Variants in HTR4 observed in about 807,000 individuals in gnomAD.
The protein encoded by HTR4 is 5-hydroxytryptamine (serotonin) receptor 4, G protein-coupled.
A neutral mutation model predicts 36.8 loss-of-function variants in HTR4; 16 were observed. The ratio of observed to expected loss-of-function variants is 0.43; its 90% CI spans 0.29 to 0.66. HTR4 has a LOEUF of 0.66. Ranked by LOEUF, HTR4 falls within the 30% of genes least tolerant of loss-of-function variation. The pLI, the probability that HTR4 is intolerant of heterozygous loss-of-function variation, is 0.13. For synonymous variants in HTR4, 189 were observed against 185.1 expected, an observed-to-expected ratio of 1.02 and a Z score of -0.17; for missense variants, 438 against 490.9, an observed-to-expected ratio of 0.89 and a Z score of 1.02.
At chr5:148,642,943 G>A (rs1753770894) in intron 1 of HTR4, among the ~76,000 whole-genome samples, 1 of 151,862 alleles carries the variant, frequency 6.6e-6, no homozygotes, top group African/African-American at 2.4e-5. Context: ...CAGTGTACAG[G>A]TGAAAATGTG....
chr5:148,586,826 T>G (rs1347095970), intron 2 of HTR4, among the ~76,000 whole-genome samples: 1 of 152,228 alleles, frequency 6.6e-6, no homozygotes, highest in Non-Finnish European at 1.5e-5. Context: ...AGATAGCAAC[T>G]GATGATTTGA....
At chr5:148,497,034 C>T (rs1756716474) in intron 6 of HTR4, among the ~76,000 whole-genome samples, 2 of 152,142 alleles carry the variant, frequency 1.3e-5, no homozygotes, top group South Asian at 4.1e-4. Context: ...TTACAGCCAC[C>T]TCTTCTACTA....
intron 5 of HTR4, among the ~76,000 whole-genome samples, chr5:148,453,961 A>T (rs989800138): frequency 6.6e-6 from 1 of 152,216 alleles, no homozygotes; most frequent in East Asian, 1.9e-4. Context: ...TATAACTCCC[A>T]GTAGCCATTG....
rs537557335 is a variant in HTR4, at chr5:148,552,216, A to T, written c.27-1954T>A. 2.0e-5 allele frequency among the ~76,000 whole-genome samples: 3 copies of T among 152,338 alleles called. No homozygotes were observed. In the East Asian group the frequency reaches 5.8e-4, roughly 29 times the overall value. On this transcript the variant is annotated intron_variant, in intron 2 of 6. Coordinates refer to ENST00000377888, the MANE Select transcript of HTR4 (RefSeq NM_000870.7). Reference sequence around the variant, plus strand: ...GAGAAAGTCCCTCCATTCAGCTGAGAAGTATTTTTATAGGCAGATTGATAG... The same window carrying T: ...GAGAAAGTCCCTCCATTCAGCTGAGTAGTATTTTTATAGGCAGATTGATAG...
chr5:148,559,251 C>T (rs1375981434), intron 2 of HTR4, among the ~76,000 whole-genome samples: 1 of 152,158 alleles, frequency 6.6e-6, no homozygotes, highest in Non-Finnish European at 1.5e-5. Context: ...TGCTTTTACA[C>T]CATGGTAAAG....
chr5:148,636,714 T>C (rs553901458), intron 2 of HTR4, among the ~76,000 whole-genome samples: 3 of 152,188 alleles, frequency 2.0e-5, no homozygotes, highest in African/African-American at 4.8e-5. Flanking sequence ...TTTCTTCCTA[T>C]TACAGAGATG....
At chr5:148,517,657 T>G (rs537970049) in intron 5 of HTR4, among the ~76,000 whole-genome samples, 86 of 152,100 alleles carry the variant, frequency 5.7e-4, no homozygotes, top group African/African-American at 2.0e-3. Flanking sequence ...AAAATCCTGT[T>G]GGTTAAATCC....
At chr5:148,556,595 C>T (rs1203694481) in intron 2 of HTR4, among the ~76,000 whole-genome samples, 1 of 152,150 alleles carries the variant, frequency 6.6e-6, no homozygotes, top group Admixed American at 6.5e-5. Context: ...AGCAAATGCA[C>T]AATTAAATAA....
chr5:148,653,815 A>C (rs1195178088), intron 1 of HTR4, among the ~76,000 whole-genome samples: 1 of 152,154 alleles, frequency 6.6e-6, no homozygotes, highest in Non-Finnish European at 1.5e-5. Flanking sequence ...ACAAGTACTT[A>C]CATACACAAG....
At chr5:148,454,647 G>A (rs1755054027) in intron 5 of HTR4, among the ~76,000 whole-genome samples, 1 of 152,084 alleles carries the variant, frequency 6.6e-6, no homozygotes, top group Non-Finnish European at 1.5e-5. Flanking sequence ...GCCCTCTTTT[G>A]GCAAATATGC....
At chr5:148,563,783 T>C (rs1207801153) in intron 2 of HTR4, among the ~76,000 whole-genome samples, 3 of 152,228 alleles carry the variant, frequency 2.0e-5, no homozygotes, top group Non-Finnish European at 2.9e-5. Context: ...TTGAAGTATA[T>C]GAGAGGATAT....
intron 5 of HTR4, among the ~76,000 whole-genome samples, chr5:148,457,780 ATT>A (rs889638803): frequency 4.2e-5 from 6 of 142,188 alleles, no homozygotes; most frequent in Non-Finnish European, 7.6e-5. Flanking sequence ...ATTAAAATAT[ATT>A]TTGACATATC....
At chr5:148,494,251 G>A (rs759880913) in intron 6 of HTR4, among the ~76,000 whole-genome samples, 4 of 152,184 alleles carry the variant, frequency 2.6e-5, no homozygotes, top group African/African-American at 4.8e-5. Context: ...TATTAATTGA[G>A]CAATTTCTGC....
At chr5:148,576,402 TTA>T (rs1365844434) in intron 2 of HTR4, among the ~76,000 whole-genome samples, 1 of 151,984 alleles carries the variant, frequency 6.6e-6, no homozygotes, top group Non-Finnish European at 1.5e-5. Context: ...CCAAAGCAGT[TTA>T]CAGATTCAAT....
At chr5:148,629,950 A>G (rs1255032807) in intron 2 of HTR4, 1 of 152,144 alleles carries the variant, frequency 6.6e-6, no homozygotes, top group East Asian at 1.9e-4. Context: ...TTCAACATGG[A>G]AATTTGGGCG....
intron 1 of HTR4, among the ~76,000 whole-genome samples, chr5:148,643,425 T>G (rs1017074902): frequency 2.6e-5 from 4 of 152,136 alleles, no homozygotes; most frequent in Non-Finnish European, 5.9e-5. Context: ...AAATCAGGTT[T>G]TTTTTCCCAA....
chr5:148,599,490 C>A (rs1017068310), intron 2 of HTR4, among the ~76,000 whole-genome samples: 7 of 151,874 alleles, frequency 4.6e-5, no homozygotes, highest in African/African-American at 1.7e-4. Context: ...ATTCACAATA[C>A]TGAAAGAAAA....
At chr5:148,594,642 G>A (rs759426161) in intron 2 of HTR4, among the ~76,000 whole-genome samples, 19 of 151,948 alleles carry the variant, frequency 1.3e-4, no homozygotes, top group African/African-American at 3.6e-4. Flanking sequence ...CTATCTACCC[G>A]CAACACCGAG....
At chr5:148,571,868 G>T (rs72832076) in intron 2 of HTR4, among the ~76,000 whole-genome samples, 2 of 152,002 alleles carry the variant, frequency 1.3e-5, no homozygotes, top group Admixed American at 6.6e-5. Context: ...AGTCCTGAAG[G>T]ATTTTTAACA....
Sources: allele counts gnomAD v4.1 joint callset (sites outside exome capture counted in the v4.1 genomes callset), GRCh38; gene constraint gnomAD v4.1.1; transcripts MANE v1.5; gene names NCBI Gene and HGNC (gene_info 2026-07-23, HGNC 2026-07-21).